Variants in TMCO4 observed in about 807,000 individuals in gnomAD.
The protein encoded by TMCO4 is transmembrane and coiled-coil domains 4.
In TMCO4, 58 loss-of-function variants were observed where a neutral mutation model predicts 64.7. The observed-to-expected ratio is 0.90, with a 90% CI of 0.73 to 1.12. The LOEUF is 1.12. Ranked by LOEUF, TMCO4 falls within the 50% of genes most tolerant of loss-of-function variation. The pLI is 0.00. For missense variants in TMCO4, 780 were observed against 825.9 expected, an observed-to-expected ratio of 0.94 and a Z score of 0.68; for synonymous variants, 325 against 346.1, an observed-to-expected ratio of 0.94 and a Z score of 0.68.
intron 14 of TMCO4, among the ~76,000 whole-genome samples, chr1:19,700,224 C>T (rs1026100589): frequency 6.6e-6 from 1 of 152,108 alleles, no homozygotes; most frequent in East Asian, 1.9e-4. Context: ...CCTTCACGGG[C>T]CCCCTCCTCT....
intron 6 of TMCO4, among the ~76,000 whole-genome samples, chr1:19,769,455 CT>C (rs2042885757): frequency 6.6e-6 from 1 of 152,196 alleles, no homozygotes; most frequent in African/African-American, 2.4e-5. Flanking sequence ...TGACCTTCCC[CT>C]GTGGCTCCTT....
intron 6 of TMCO4, among the ~76,000 whole-genome samples, chr1:19,769,993 G>A (rs1338499923): frequency 7.5e-6 from 1 of 133,470 alleles, no homozygotes; most frequent in Admixed American, 7.2e-5. Flanking sequence ...ACGGCAAGGG[G>A]ACTGAAAGCA....
At chr1:19,716,049 G>A (rs1217538159) in intron 13 of TMCO4, among the ~76,000 whole-genome samples, 2 of 152,132 alleles carry the variant, frequency 1.3e-5, no homozygotes, top group Non-Finnish European at 2.9e-5. Flanking sequence ...GGGTGCACTG[G>A]ATCATACCTG....
intron 13 of TMCO4, among the ~76,000 whole-genome samples, chr1:19,719,759 C>T (rs901541010): frequency 6.6e-5 from 10 of 151,986 alleles, no homozygotes; most frequent in Admixed American, 1.3e-4. Flanking sequence ...TTTGGGAGGC[C>T]GAGGCAGATG....
At position 19,700,876 on chromosome 1, in the gene TMCO4, C is replaced by T; in HGVS notation, c.1274G>A (p.Gly425Glu). Residue 425 changes from glycine to glutamate, a missense_variant, in exon 14 of 16, where the codon GGA (glycine) becomes GAA (glutamate). Coordinates refer to ENST00000294543, the MANE Select transcript of TMCO4 (RefSeq NM_181719.7). Reference protein sequence around the residue: ...QEMAQEKDCQGIIEDVILLGA... With the variant: ...QEMAQEKDCQEIIEDVILLGA... ...CAGCAGGATGACGTCCTCGATGATT[C>T]CTTGGCAATCTGGCAAAAGACCCCA... 6.2e-7 allele frequency: 1 copy of T among 1,614,162 alleles called. No individual in the cohort carries two copies. Among genetic ancestry groups the T allele is most frequent in the Non-Finnish European group, 8.5e-7 (1 of 1,180,004 alleles).
intron 6 of TMCO4, among the ~76,000 whole-genome samples, chr1:19,764,718 G>A (rs1375894643): frequency 6.6e-6 from 1 of 152,142 alleles, no homozygotes; most frequent in Non-Finnish European, 1.5e-5. Context: ...AGCCAGGCGT[G>A]GTGGCACATG....
At chr1:19,794,857 C>G (rs1296715473) in intron 2 of TMCO4, among the ~76,000 whole-genome samples, 2 of 152,054 alleles carry the variant, frequency 1.3e-5, no homozygotes, top group Non-Finnish European at 2.9e-5. Flanking sequence ...CACGAATGAA[C>G]CTTGAAAAGT....
chr1:19,780,486 G>T, intron 4 of TMCO4, 94 bp downstream of exon 4: 1 of 1,427,372 alleles, frequency 7.0e-7, no homozygotes, highest in Non-Finnish European at 9.4e-7. Flanking sequence ...GCCCCTCTCT[G>T]CATTGCCTCA....
At chr1:19,775,982 A>G (rs1357288422) in intron 4 of TMCO4, among the ~76,000 whole-genome samples, 1 of 152,162 alleles carries the variant, frequency 6.6e-6, no homozygotes, top group Non-Finnish European at 1.5e-5. Context: ...ATCTCGACTC[A>G]CTGCAACCCC....
chr1:19,698,890 C>T (rs6699160), intron 14 of TMCO4, among the ~76,000 whole-genome samples: 107,353 of 152,188 alleles, frequency 0.71, 40,933 homozygotes, highest in Non-Finnish European at 0.84. Context: ...TTGCTGTTTA[C>T]AAAAAGTACC....
At chr1:19,720,526 G>C (rs1253243827) in intron 13 of TMCO4, among the ~76,000 whole-genome samples, 1 of 152,030 alleles carries the variant, frequency 6.6e-6, no homozygotes, top group Non-Finnish European at 1.5e-5. Context: ...GTTCCTATTT[G>C]TTTTTCTCTG....
Position 19,716,039 on chromosome 1 carries a change from G to A in TMCO4, c.1265-15154C>T, listed in dbSNP as rs189485206. Among the ~76,000 whole-genome samples, 192 of 152,196 alleles carry A rather than the reference G, an allele frequency of 1.3e-3. 1 individual carries two copies. Among genetic ancestry groups the A allele is most frequent in the African/African-American group, 4.4e-3 (184 of 41,524 alleles). On this transcript the variant is annotated intron_variant, in intron 13 of 15. Transcript: ENST00000294543. ...AACTATAGAATTAAAGGGACAGGCC[G>A]GGTGCACTGGATCATACCTGGAATC...
At chr1:19,721,966 A>G (rs2095386493) in intron 13 of TMCO4, among the ~76,000 whole-genome samples, 1 of 152,336 alleles carries the variant, frequency 6.6e-6, no homozygotes, top group East Asian at 1.9e-4. Flanking sequence ...TCAAACACCA[A>G]TAGCCTTAAC....
chr1:19,714,236 CA>C (rs2095345290), intron 13 of TMCO4, among the ~76,000 whole-genome samples: 1 of 152,180 alleles, frequency 6.6e-6, no homozygotes, highest in Non-Finnish European at 1.5e-5. Flanking sequence ...CACACCCAGC[CA>C]GTTCATTATT....
chr1:19,781,421 C>T (rs2043469566), intron 3 of TMCO4, among the ~76,000 whole-genome samples: 1 of 150,906 alleles, frequency 6.6e-6, no homozygotes, highest in Non-Finnish European at 1.5e-5. Context: ...GAGCTATGAT[C>T]ATTGCACTCC....
At chr1:19,723,697 C>T (rs1250759270) in intron 13 of TMCO4, among the ~76,000 whole-genome samples, 1 of 152,212 alleles carries the variant, frequency 6.6e-6, no homozygotes, top group Non-Finnish European at 1.5e-5. Context: ...CCTTTCCTCA[C>T]CTGTAAATTG....
intron 3 of TMCO4, among the ~76,000 whole-genome samples, chr1:19,781,587 TAA>T (rs1359530427): frequency 1.3e-5 from 2 of 150,518 alleles, no homozygotes; most frequent in Non-Finnish European, 3.0e-5. Context: ...TAGCTAAAAC[TAA>T]AAAGACTGAG....
Position 19,740,079 on chromosome 1 carries a change from T to G in TMCO4, c.1043-119A>C, listed in dbSNP as rs2095472315. 4.8e-6 allele frequency: 6 copies of G among 1,241,504 alleles called. No homozygotes were observed. In the East Asian group the frequency reaches 1.6e-4, roughly 32 times the overall value. The allele number at this position is 1,241,504 out of a possible 1,614,324, so 76.9% of individuals were successfully genotyped here. On this transcript the variant is annotated intron_variant, in intron 11 of 15. Coordinates refer to ENST00000294543, the MANE Select transcript of TMCO4 (RefSeq NM_181719.7). Reference sequence around the variant, plus strand: ...CAGTCTCCAACTTGGACCTGCAAGTTTGCCAATCAAACTGCTAAAGAACAA... The same window carrying G: ...CAGTCTCCAACTTGGACCTGCAAGTGTGCCAATCAAACTGCTAAAGAACAA...
intron 8 of TMCO4, among the ~76,000 whole-genome samples, chr1:19,746,941 A>C (rs951840768): frequency 1.1e-4 from 17 of 151,104 alleles, no homozygotes; most frequent in African/African-American, 3.7e-4. Context: ...AAAAAAAAAA[A>C]AAAACGTGGC....
Sources: allele counts gnomAD v4.1 joint callset (sites outside exome capture counted in the v4.1 genomes callset), GRCh38; gene constraint gnomAD v4.1.1; transcripts MANE v1.5; gene names NCBI Gene and HGNC (gene_info 2026-07-23, HGNC 2026-07-21).